AXDND1: variants seen among roughly 807,000 people sequenced by gnomAD.
AXDND1 encodes the protein axonemal dynein light chain domain containing 1.
Under a neutral mutation model 137.5 loss-of-function variants are expected in AXDND1, and 110 were observed. That is an observed-to-expected ratio of 0.80 (90% CI 0.69 to 0.94). The LOEUF (loss-of-function observed/expected upper bound fraction) is 0.94. Ranked by LOEUF, AXDND1 falls within the 40% of genes least tolerant of loss-of-function variation. AXDND1 has a pLI of 0.00. For missense variants in AXDND1, 1,191 were observed against 1,169.8 expected, an observed-to-expected ratio of 1.02 and a Z score of -0.26; for synonymous variants, 414 against 399.7, an observed-to-expected ratio of 1.04 and a Z score of -0.43.
chr1:179,464,808 TG>T (rs1662890216), intron 16 of AXDND1, among the ~76,000 whole-genome samples: 1 of 152,182 alleles, frequency 6.6e-6, no homozygotes, highest in Admixed American at 6.5e-5. Flanking sequence ...AGGCTTTGTT[TG>T]TTTCTTTTTA....
At chr1:179,541,341 T>A (rs1164717369) in intron 25 of AXDND1, among the ~76,000 whole-genome samples, 3 of 152,188 alleles carry the variant, frequency 2.0e-5, no homozygotes, top group Admixed American at 6.5e-5. Flanking sequence ...CTGCACACAC[T>A]GTCCAGCCAG....
intron 11 of AXDND1, among the ~76,000 whole-genome samples, chr1:179,395,475 G>T (rs1650909115): frequency 6.6e-6 from 1 of 152,126 alleles, no homozygotes; most frequent in Non-Finnish European, 1.5e-5. Flanking sequence ...AAAAGAAAGG[G>T]TAAAGAAACA....
chr1:179,400,610 AAAAG>A (rs1426127211), intron 11 of AXDND1, among the ~76,000 whole-genome samples: 1 of 151,354 alleles, frequency 6.6e-6, no homozygotes, highest in African/African-American at 2.4e-5. Flanking sequence ...TAAAAAAAAA[AAAAG>A]AGAAGATGGC....
chr1:179,368,748 C>G (rs1023557833), intron 2 of AXDND1, 52 bp from the exon 3 acceptor site: 2 of 1,457,154 alleles, frequency 1.4e-6, no homozygotes, highest in Admixed American at 4.3e-5. Context: ...GAAGCTCCAT[C>G]TAACTTAAAA....
intron 20 of AXDND1, among the ~76,000 whole-genome samples, chr1:179,497,995 A>C (rs530716364): frequency 6.4e-4 from 98 of 152,316 alleles, no homozygotes; most frequent in Non-Finnish European, 1.1e-3. Context: ...AACACTGCTG[A>C]AAGAAATCAG....
intron 12 of AXDND1, among the ~76,000 whole-genome samples, chr1:179,425,651 C>T (rs9726734): frequency 0.35 from 52,803 of 151,496 alleles, 9,393 homozygotes; most frequent in Middle Eastern, 0.44. Flanking sequence ...TCACTTTTTC[C>T]AGTGTAAAAA....
chr1:179,420,091 T>C (rs1571750980), intron 12 of AXDND1, among the ~76,000 whole-genome samples: 1 of 152,328 alleles, frequency 6.6e-6, no homozygotes, highest in Middle Eastern at 3.4e-3. Context: ...CATATATGGC[T>C]TTCTTTTATT....
intron 16 of AXDND1, among the ~76,000 whole-genome samples, chr1:179,465,843 C>T (rs557332093): frequency 3.3e-5 from 5 of 152,256 alleles, no homozygotes; most frequent in Admixed American, 6.5e-5. Flanking sequence ...CCCCCAGCCT[C>T]GCTGCCACCT....
chr1:179,399,204 A>G (rs1488938696), intron 11 of AXDND1, among the ~76,000 whole-genome samples: 1 of 152,256 alleles, frequency 6.6e-6, no homozygotes, highest in African/African-American at 2.4e-5. Context: ...TCACCAAAAC[A>G]GTGTGGTACT....
At chr1:179,467,895 G>A (rs1285857632) in intron 16 of AXDND1, among the ~76,000 whole-genome samples, 1 of 151,970 alleles carries the variant, frequency 6.6e-6, no homozygotes, top group Non-Finnish European at 1.5e-5. Flanking sequence ...AGAAAAAGAG[G>A]GTATTTTGCC....
At chr1:179,524,250 C>CT (rs2125682913) in intron 21 of AXDND1, among the ~76,000 whole-genome samples, 1 of 152,212 alleles carries the variant, frequency 6.6e-6, no homozygotes, top group African/African-American at 2.4e-5. Context: ...ACTTTTAGTT[C>CT]TTTAAGGAAT....
chr1:179,442,803 C>T (rs965175566), intron 15 of AXDND1, among the ~76,000 whole-genome samples: 1 of 152,166 alleles, frequency 6.6e-6, no homozygotes, highest in African/African-American at 2.4e-5. Flanking sequence ...GTCCTGTGTT[C>T]GGATGCCACT....
At chr1:179,373,158 C>G (rs775355760) in intron 4 of AXDND1, among the ~76,000 whole-genome samples, 5 of 151,998 alleles carry the variant, frequency 3.3e-5, no homozygotes, top group Non-Finnish European at 7.4e-5. Flanking sequence ...CATAACAATA[C>G]CCAGTACTTT....
At chr1:179,497,539 T>A (rs1667563262) in intron 20 of AXDND1, among the ~76,000 whole-genome samples, 1 of 152,120 alleles carries the variant, frequency 6.6e-6, no homozygotes, top group South Asian at 2.1e-4. Flanking sequence ...GACAAACCGA[T>A]AGCCAACATC....
intron 23 of AXDND1, among the ~76,000 whole-genome samples, chr1:179,530,025 T>C (rs1344986400): frequency 6.6e-6 from 1 of 152,078 alleles, no homozygotes; most frequent in African/African-American, 2.4e-5. Flanking sequence ...TGGAATACAA[T>C]GTCGTGAGAT....
intron 21 of AXDND1, among the ~76,000 whole-genome samples, chr1:179,524,483 G>A (rs1465603275): frequency 6.6e-6 from 1 of 152,094 alleles, no homozygotes; most frequent in Non-Finnish European, 1.5e-5. Flanking sequence ...GGGTATCTCA[G>A]TGGTACCTCC....
chr1:179,380,932 A>G (rs1026225655), intron 6 of AXDND1, among the ~76,000 whole-genome samples: 1 of 152,144 alleles, frequency 6.6e-6, no homozygotes, highest in South Asian at 2.1e-4. Context: ...ACACATGCAC[A>G]TATTTTCAAA....
intron 3 of AXDND1, among the ~76,000 whole-genome samples, chr1:179,369,525 G>A (rs185405878): frequency 2.0e-5 from 3 of 152,160 alleles, no homozygotes; most frequent in East Asian, 1.9e-4. Flanking sequence ...AGTGGCATGC[G>A]CCTATAGTCC....
chr1:179,490,146 C>T (rs1411545308), intron 18 of AXDND1, among the ~76,000 whole-genome samples: 1 of 152,134 alleles, frequency 6.6e-6, no homozygotes, highest in Non-Finnish European at 1.5e-5. Flanking sequence ...GTTGATGGCT[C>T]ATGTCTTACA....
Sources: allele counts gnomAD v4.1 joint callset (sites outside exome capture counted in the v4.1 genomes callset), GRCh38; gene constraint gnomAD v4.1.1; transcripts MANE v1.5; gene names NCBI Gene and HGNC (gene_info 2026-07-23, HGNC 2026-07-21).